The following SPTLC3 variants were observed in gnomAD, a reference collection of about 807,000 sequenced individuals.
The protein encoded by SPTLC3 is serine palmitoyltransferase 3.
Under a neutral mutation model 59.3 loss-of-function variants are expected in SPTLC3, and 36 were observed. The observed-to-expected ratio is 0.61, with a 90% CI of 0.47 to 0.80. The LOEUF is 0.80. SPTLC3 is among the 30% of genes least tolerant of loss of function. The pLI is 0.00. For synonymous variants in SPTLC3, 257 were observed against 240.8 expected (o/e 1.07, Z -0.62); for missense variants, 625 against 685.1 (o/e 0.91, Z 0.98).
intron 9 of SPTLC3, among the ~76,000 whole-genome samples, chr20:13,152,785 T>G (rs1369625762): frequency 6.6e-6 from 1 of 152,168 alleles, no homozygotes; most frequent in Non-Finnish European, 1.5e-5. Flanking sequence ...TGGAGGAGGA[T>G]GCTGAACACA....
intron 7 of SPTLC3, among the ~76,000 whole-genome samples, chr20:13,112,230 G>C (rs1004572420): frequency 6.6e-6 from 1 of 152,232 alleles, no homozygotes. Flanking sequence ...CTGACACTTT[G>C]TCTGGGGCTG....
At chr20:13,086,604 AC>A (rs2122611041) in intron 4 of SPTLC3, among the ~76,000 whole-genome samples, 1 of 152,284 alleles carries the variant, frequency 6.6e-6, no homozygotes, top group East Asian at 1.9e-4. Context: ...TTAACTTGTA[AC>A]TCAGCTGTGA....
rs548138513 is a variant in SPTLC3 at position 13,133,084 on chromosome 20, G to C, written c.1279+6367G>C. On this transcript the variant is annotated intron_variant, in intron 9 of 11. Transcript: ENST00000399002. The stretch of plus-strand genomic sequence containing the variant: ...AAAACAGCCTTCAAAGACTGTCTTC[G>C]TTGTAGAGATGCTCTTCTCTTCTGG... The C allele has an allele frequency of 2.6e-5, 4 of 152,360 alleles. No individual in the cohort carries two copies. The East Asian group carries it at 7.7e-4, about 29-fold the overall frequency. 9.4% of individuals were successfully genotyped at this position (152,360 alleles called of 1,614,324 possible). A position where few individuals can be genotyped will look rare whatever the true frequency, so the allele number is the denominator to read the frequency against.
intron 9 of SPTLC3, chr20:13,132,833 C>A (rs2038154689): frequency 6.6e-6 from 1 of 152,200 alleles, no homozygotes; most frequent in South Asian, 2.1e-4. Context: ...CAACAGCCAC[C>A]GAGCCTCAAC....
At chr20:13,123,666 T>C (rs1349440948) in intron 8 of SPTLC3, among the ~76,000 whole-genome samples, 1 of 152,160 alleles carries the variant, frequency 6.6e-6, no homozygotes, top group Admixed American at 6.5e-5. Context: ...CTCTTCCCAA[T>C]TGACACCTCC....
chr20:13,167,033 T>C lies in SPTLC3; in HGVS notation c.*2166T>C, dbSNP rs2038992772. 1 of 152,182 alleles carries C rather than the reference T, an allele frequency of 6.6e-6. No homozygotes were observed. The highest frequency in any genetic ancestry group is 2.4e-5 in the African/African-American group (1 of 41,442). The allele number at this position is 152,182 out of a possible 1,614,324, so 9.4% of individuals were successfully genotyped here. A position where few individuals can be genotyped will look rare whatever the true frequency, so the allele number is the denominator to read the frequency against. On this transcript the variant is annotated 3_prime_UTR_variant, in exon 12 of 12. Transcript: ENST00000399002. ...ACCTGTTTCTGTTAGAGAGTCCATG[T>C]TGAATATACAGGTATGAGAACAACT...
chr20:13,017,407 T>C (rs1044916797), intron 1 of SPTLC3, among the ~76,000 whole-genome samples: 6 of 152,142 alleles, frequency 3.9e-5, no homozygotes, highest in Admixed American at 1.3e-4. Flanking sequence ...TGAGAGATAG[T>C]CTGGCTTTCA....
intron 1 of SPTLC3, among the ~76,000 whole-genome samples, chr20:13,012,906 C>A (rs1224832665): frequency 2.0e-5 from 3 of 151,970 alleles, no homozygotes; most frequent in African/African-American, 7.3e-5. Context: ...ATTATAATTG[C>A]AGAAAAAATA....
At chr20:13,120,867 T>C (rs1283476229) in intron 8 of SPTLC3, among the ~76,000 whole-genome samples, 2 of 152,202 alleles carry the variant, frequency 1.3e-5, no homozygotes, top group Non-Finnish European at 2.9e-5. Context: ...CAGCAGAGTT[T>C]TGCTGTTTTG....
At chr20:13,077,804 T>G (rs989189003) in intron 4 of SPTLC3, among the ~76,000 whole-genome samples, 1 of 151,828 alleles carries the variant, frequency 6.6e-6, no homozygotes, top group African/African-American at 2.4e-5. Context: ...TTTAAAGAGT[T>G]AGAGTTTCAT....
At chr20:13,102,622 G>A (rs1447875589) in intron 6 of SPTLC3, among the ~76,000 whole-genome samples, 2 of 152,164 alleles carry the variant, frequency 1.3e-5, no homozygotes, top group African/African-American at 4.8e-5. Flanking sequence ...CCAGGGCCAA[G>A]GCAGTTTTGG....
intron 1 of SPTLC3, among the ~76,000 whole-genome samples, chr20:13,041,948 C>G (rs1215902512): frequency 6.6e-6 from 1 of 152,202 alleles, no homozygotes; most frequent in Non-Finnish European, 1.5e-5. Flanking sequence ...AAGCTATCTT[C>G]CTCTGTTGGT....
chr20:13,082,489 A>C (rs1988873786), intron 4 of SPTLC3, among the ~76,000 whole-genome samples: 1 of 152,222 alleles, frequency 6.6e-6, no homozygotes, highest in Non-Finnish European at 1.5e-5. Context: ...TGACACATGA[A>C]TATTATATGA....
intron 2 of SPTLC3, among the ~76,000 whole-genome samples, chr20:13,053,630 C>T (rs1987594842): frequency 6.6e-6 from 1 of 151,962 alleles, no homozygotes; most frequent in Non-Finnish European, 1.5e-5. Flanking sequence ...TGCAAGGAAG[C>T]TAAGAACCTT....
intron 1 of SPTLC3, among the ~76,000 whole-genome samples, chr20:13,043,185 C>A (rs1216619876): frequency 5.9e-5 from 9 of 152,168 alleles, no homozygotes; most frequent in Non-Finnish European, 2.9e-5. Context: ...ATGTGGAAAA[C>A]CCCAAATACG....
intron 2 of SPTLC3, among the ~76,000 whole-genome samples, chr20:13,070,132 G>T (rs1247590658): frequency 6.6e-6 from 1 of 152,096 alleles, no homozygotes; most frequent in African/African-American, 2.4e-5. Flanking sequence ...TTCCCTGTGA[G>T]AAAGACATAT....
intron 9 of SPTLC3, among the ~76,000 whole-genome samples, chr20:13,148,314 C>T (rs1267492700): frequency 6.6e-6 from 1 of 152,146 alleles, no homozygotes; most frequent in Non-Finnish European, 1.5e-5. Context: ...CTCCGTTAAC[C>T]TAGCCTGTCT....
Position 13,167,176 on chromosome 20 carries a change from G to A in SPTLC3, c.*2309G>A, listed in dbSNP as rs2123026286. 6.6e-6 allele frequency: 1 copy of A among 152,142 alleles called. No individual in the cohort carries two copies. The highest frequency in any genetic ancestry group is 2.1e-4 in the South Asian group (1 of 4,808). The allele number at this position is 152,142 out of a possible 1,614,324, so 9.4% of individuals were successfully genotyped here. The stretch of plus-strand genomic sequence containing the variant: ...CATATAGAATAAGGTTAATTAGGAG[G>A]GTGATTGTGAATAATGAGATTTTTA... On this transcript the variant is annotated 3_prime_UTR_variant, in exon 12 of 12. Transcript: ENST00000399002.
chr20:13,096,531 C>G (rs1989420843), intron 6 of SPTLC3, among the ~76,000 whole-genome samples: 1 of 150,918 alleles, frequency 6.6e-6, no homozygotes, highest in African/African-American at 2.4e-5. Context: ...TGAAATAAAC[C>G]AGACACAAAC....
Sources: allele counts gnomAD v4.1 joint callset (sites outside exome capture counted in the v4.1 genomes callset), GRCh38; gene constraint gnomAD v4.1.1; transcripts MANE v1.5; gene names NCBI Gene and HGNC (gene_info 2026-07-23, HGNC 2026-07-21).